Variants in SH3TC2 observed in about 807,000 individuals in gnomAD.
The protein encoded by SH3TC2 is SH3 domain and tetratricopeptide repeat-containing protein 2.
Under a neutral mutation model 124.5 loss-of-function variants are expected in SH3TC2, and 87 were observed. The ratio of observed to expected loss-of-function variants is 0.70; its 90% CI spans 0.59 to 0.84. The LOEUF is 0.84. Ranked by LOEUF, SH3TC2 falls within the 40% of genes least tolerant of loss-of-function variation. The pLI, the probability that SH3TC2 is intolerant of heterozygous loss-of-function variation, is 0.00. For synonymous variants in SH3TC2, 634 were observed against 628.5 expected (o/e 1.01, Z -0.13); for missense variants, 1,536 against 1,566.4 (o/e 0.98, Z 0.33).
At position 148,999,062 on chromosome 5, in the gene SH3TC2, C is replaced by T. The variant is rs1753555167; in HGVS notation, c.*5649G>A. Among the ~76,000 whole-genome samples the T allele has an allele frequency of 6.6e-6, 1 of 152,196 alleles. No homozygotes were observed. Among genetic ancestry groups the T allele is most frequent in the East Asian group, 1.9e-4 (1 of 5,190 alleles). ...ACCACCAATTGACATTCATACCAAG[C>T]CATCCATACATCTCGTCTCAATTAA... On this transcript the variant is annotated 3_prime_UTR_variant, in exon 17 of 17. Coordinates refer to ENST00000515425, the MANE Select transcript of SH3TC2 (RefSeq NM_024577.4).
chr5:149,034,316 C>G (rs1754247241), intron 8 of SH3TC2: 1 of 168,842 alleles, frequency 5.9e-6, no homozygotes, highest in African/African-American at 2.4e-5. Context: ...CAGAATTTAG[C>G]CTGGTGTGAC....
At chr5:149,062,249 G>T (rs367934465) in intron 1 of SH3TC2, 1 of 461,292 alleles carries the variant, frequency 2.2e-6, no homozygotes, top group Non-Finnish European at 4.4e-6. Flanking sequence ...CACTCATCCT[G>T]ATAAACACCA....
At chr5:149,058,729 G>A (rs1409017875) in intron 1 of SH3TC2, among the ~76,000 whole-genome samples, 1 of 152,112 alleles carries the variant, frequency 6.6e-6, no homozygotes, top group African/African-American at 2.4e-5. Context: ...ATGCTGGGGA[G>A]GTGGGTAGTT....
rs80359890 is a variant in SH3TC2, at chr5:149,042,718, A to G, written c.505T>C (p.Tyr169His). The G allele has an allele frequency of 2.5e-3, 4,027 of 1,614,120 alleles. 5 individuals carry two copies. The highest frequency in any genetic ancestry group is 3.1e-3 in the Non-Finnish European group (3,716 of 1,180,002). Residue 169 changes from tyrosine (Y) to histidine (H), a missense_variant, in exon 5 of 17, where the codon TAC (tyrosine) becomes CAC (histidine). Physicochemically the swap from Tyr to His is moderately conservative, Grantham distance 83. Transcript: ENST00000515425. ...SVDDKHLETIYLGLLIQEGHF... is the reference protein window; with the variant it reads ...SVDDKHLETIHLGLLIQEGHF... The stretch of plus-strand genomic sequence containing the variant: ...CCTTCCTGTATCAGGAGTCCCAGGT[A>G]TATTGTTTCCAGGTGTTTATCATCT...
In SH3TC2 at chr5:149,026,735, T is replaced by C; in HGVS notation, c.2890A>G (p.Lys964Glu). The C allele has an allele frequency of 6.2e-7, 1 of 1,614,228 alleles. No individual in the cohort carries two copies. Among genetic ancestry groups the C allele is most frequent in the Non-Finnish European group, 8.5e-7 (1 of 1,180,040 alleles). Residue 964 changes from lysine (K) to glutamate (E), a missense_variant, in exon 12 of 17, where the codon AAA (lysine) becomes GAA (glutamate). Transcript: ENST00000515425. ...RHLKSQLQAT[K>E]SLCHFYSSVS... ...GAGCTGTAGAAATGGCAGAGGGATT[T>C]GGTGGCCTGAAGCTGACCTGAACAC...
chr5:149,008,590 C>G (rs1295994995), intron 15 of SH3TC2: 7 of 547,992 alleles, frequency 1.3e-5, no homozygotes, highest in Non-Finnish European at 2.3e-5. Flanking sequence ...CAGGATTGTG[C>G]TATGGCTGTT....
chr5:149,044,208 C>T (rs1754418934), intron 4 of SH3TC2: 1 of 345,298 alleles, frequency 2.9e-6, no homozygotes, highest in South Asian at 2.5e-5. Context: ...AAAACACACA[C>T]ACTAGCACCA....
chr5:148,987,008 T>C lies in SH3TC2; in HGVS notation c.*17703A>G, dbSNP rs4235739. On this transcript the variant is annotated 3_prime_UTR_variant, in exon 17 of 17. Transcript: ENST00000515425. The stretch of plus-strand genomic sequence containing the variant: ...TGTTTCTAAAATGATTTTTGGAAAA[T>C]GAAATATTAATTCCCCAGCTAATGT... Among the ~76,000 whole-genome samples the C allele has an allele frequency of 0.59, 90,394 of 152,096 alleles. 27,094 individuals are homozygous for C. Among genetic ancestry groups the C allele is most frequent in the East Asian group, 0.73 (3,781 of 5,180 alleles).
chr5:148,982,634 G>A lies in SH3TC2; in HGVS notation c.*22077C>T, dbSNP rs1464836464. On this transcript the variant is annotated 3_prime_UTR_variant, in exon 17 of 17. Transcript: ENST00000515425. ...AGATTTACATTTTGAAATAAGCAAGGTACAAAGCAGAGTGTATAGTATGCT... is the reference window on the plus strand; with the variant it reads ...AGATTTACATTTTGAAATAAGCAAGATACAAAGCAGAGTGTATAGTATGCT... 6.6e-6 allele frequency among the ~76,000 whole-genome samples: 1 copy of A among 152,132 alleles called. No individual in the cohort carries two copies. The highest frequency in any genetic ancestry group is 1.5e-5 in the Non-Finnish European group (1 of 68,024).
intron 12 of SH3TC2, among the ~76,000 whole-genome samples, chr5:149,015,216 A>G (rs1753851340): frequency 6.6e-6 from 1 of 152,198 alleles, no homozygotes; most frequent in African/African-American, 2.4e-5. Context: ...AGATTTTCCA[A>G]AGACAACTGA....
At chr5:149,016,667 T>C (rs1387192160) in intron 12 of SH3TC2, among the ~76,000 whole-genome samples, 1 of 152,194 alleles carries the variant, frequency 6.6e-6, no homozygotes, top group Non-Finnish European at 1.5e-5. Flanking sequence ...GGCTCATGCC[T>C]GTAATCCCAG....
Position 148,996,182 on chromosome 5 carries a change from T to C in SH3TC2, c.*8529A>G, listed in dbSNP as rs191318018. On this transcript the variant is annotated 3_prime_UTR_variant, in exon 17 of 17. Transcript: ENST00000515425. ...TGGGAGGATCACCCAAGCACCTGAG[T>C]CTAGAAGGTCGAGGTAGCAGTGAAC... is the stretch of plus-strand genomic sequence containing the variant. 6.6e-6 allele frequency among the ~76,000 whole-genome samples: 1 copy of C among 151,494 alleles called. No homozygotes were observed. Among genetic ancestry groups the C allele is most frequent in the East Asian group, 1.9e-4 (1 of 5,142 alleles).
intron 12 of SH3TC2, among the ~76,000 whole-genome samples, chr5:149,016,576 T>C (rs1208787497): frequency 6.6e-6 from 1 of 152,144 alleles, no homozygotes; most frequent in Non-Finnish European, 1.5e-5. Flanking sequence ...TAATTATATA[T>C]TTTAAAACGT....
Position 148,992,514 on chromosome 5 carries a change from C to T in SH3TC2, c.*12197G>A, listed in dbSNP as rs1014163372. Among the ~76,000 whole-genome samples the T allele has an allele frequency of 7.9e-5, 12 of 151,572 alleles. No individual in the cohort carries two copies. The South Asian group carries it at 8.4e-4, about 11-fold the overall frequency. ...GAGACTGAGGTTTTTAACTCATCATCCTTGGGCGTGCATTAAAGGGTCCAT... is the reference window on the plus strand; with the variant it reads ...GAGACTGAGGTTTTTAACTCATCATTCTTGGGCGTGCATTAAAGGGTCCAT... On this transcript the variant is annotated 3_prime_UTR_variant, in exon 17 of 17. Transcript: ENST00000515425.
In SH3TC2 at chr5:149,047,918, G is replaced by A. The variant is rs769679412; in HGVS notation, c.223C>T (p.Arg75Trp). Reference protein sequence around the residue: ...CVNGPLQEAARRRLWALENED... With the variant: ...CVNGPLQEAAWRRLWALENED... ...TTCTCCAGTGCCCAGAGCCGCCTCC[G>A]AGCAGCTTCCTGTAGGGGTCCATTT... The change falls in exon 3 of 17, where the codon CGG becomes TGG. Residue 75 changes from arginine (R) to tryptophan (W), a missense_variant. By Grantham distance (101) the Arg-to-Trp change is moderately radical. Around this residue, in one of 3 missense-constraint regions of SH3TC2, gnomAD observed 1,102 missense variants for 1,098.6 expected, o/e 1.00. Transcript: ENST00000515425. 31 of 1,613,980 alleles carry A rather than the reference G, an allele frequency of 1.9e-5. No homozygotes were observed. The highest frequency in any genetic ancestry group is 6.7e-5 in the Admixed American group (4 of 59,998).
rs148590947 is a variant in SH3TC2, at chr5:148,988,369, C to T, written c.*16342G>A. ...CCCAGTGCTCATGCCATTGAGTAAT[C>T]CCCTCCTATACCAGCTCTAGGCTGG... On this transcript the variant is annotated 3_prime_UTR_variant, in exon 17 of 17. Coordinates refer to ENST00000515425, the MANE Select transcript of SH3TC2 (RefSeq NM_024577.4). Among the ~76,000 whole-genome samples, 1 of 152,268 alleles carries T rather than the reference C, an allele frequency of 6.6e-6. No individual in the cohort carries two copies. Among genetic ancestry groups the T allele is most frequent in the Non-Finnish European group, 1.5e-5 (1 of 68,018 alleles).
rs1753623685 is a variant in SH3TC2 at position 149,003,116 on chromosome 5, C to T, written c.*1595G>A. 1 of 152,244 alleles carries T rather than the reference C, an allele frequency of 6.6e-6. No individual in the cohort carries two copies. Among genetic ancestry groups the T allele is most frequent in the African/African-American group, 2.4e-5 (1 of 41,442 alleles). 9.4% of individuals were successfully genotyped at this position (152,244 alleles called of 1,614,324 possible). On this transcript the variant is annotated 3_prime_UTR_variant, in exon 17 of 17. Coordinates refer to ENST00000515425, the MANE Select transcript of SH3TC2 (RefSeq NM_024577.4). ...ATTAGAGAATTCCCAATTTCATTATCAAAGAACTCAGATACTGTGGTAGGT... is the reference window on the plus strand; with the variant it reads ...ATTAGAGAATTCCCAATTTCATTATTAAAGAACTCAGATACTGTGGTAGGT...
chr5:149,030,261 C>A (rs1467528286), intron 9 of SH3TC2, among the ~76,000 whole-genome samples: 1 of 152,216 alleles, frequency 6.6e-6, no homozygotes, highest in Non-Finnish European at 1.5e-5. Context: ...TGGTATACGC[C>A]TTGGGGAAGC....
Position 149,044,549 on chromosome 5 carries a change from G to A in SH3TC2, c.369C>T (p.Ser123=). The A allele has an allele frequency of 6.2e-7, 1 of 1,613,776 alleles. No individual in the cohort carries two copies. The highest frequency in any genetic ancestry group is 1.1e-5 in the South Asian group (1 of 91,076). ...GTACCATACCTAAATTAAGGTAGGT[G>A]GAGAACTTCCAGATTTCCTCCATGG... ...FKTMEEIWKF[S]TYLNLGYVSM... Residue 123 remains serine, a synonymous_variant, in exon 4 of 17, where the codon TCC becomes TCT. Coordinates refer to ENST00000515425, the MANE Select transcript of SH3TC2 (RefSeq NM_024577.4).
Sources: gnomAD v4.1 joint callset for allele counts (sites outside exome capture counted in the v4.1 genomes callset) on GRCh38, gnomAD v4.1.1 for gene constraint, gnomAD v4.1.1 regional missense constraint, MANE v1.5 for transcripts, NCBI Gene and HGNC (gene_info 2026-07-23, HGNC 2026-07-21) for gene names.